Variants in DGKI observed in about 807,000 individuals in gnomAD.
DGKI encodes the protein DAG kinase iota.
A neutral mutation model predicts 147.5 loss-of-function variants in DGKI; 55 were observed. That is an observed-to-expected ratio of 0.37 (90% CI 0.30 to 0.47). The LOEUF is 0.47. Among genes scored for constraint, DGKI ranks in the 20% least tolerant of loss-of-function variants. The pLI, the probability that DGKI is intolerant of heterozygous loss-of-function variation, is 1.00. For missense variants in DGKI, 1,007 were observed against 1,323.8 expected (o/e 0.76, Z 3.71); for synonymous variants, 469 against 477.1 (o/e 0.98, Z 0.22).
chr7:137,395,531 A>C, intron 32 of DGKI, 67 bp downstream of exon 32: 3 of 1,475,712 alleles, frequency 2.0e-6, no homozygotes, highest in East Asian at 2.3e-5. Context: ...CTATGGTCAC[A>C]AGCAAAGGCA....
At position 137,390,982 on chromosome 7, in the gene DGKI, G is replaced by A; in HGVS notation, c.*238C>T. 4.0e-6 allele frequency: 2 copies of A among 502,838 alleles called. No homozygotes were observed. Among genetic ancestry groups the A allele is most frequent in the South Asian group, 4.7e-5 (2 of 42,384 alleles). 31.1% of individuals were successfully genotyped at this position (502,838 alleles called of 1,614,324 possible). The stretch of plus-strand genomic sequence containing the variant: ...CTGGAAGCAATAAGGATCAAATTTT[G>A]TGGAACTCGTACTGTATTCCACAAA... On this transcript the variant is annotated 3_prime_UTR_variant, in exon 33 of 33. Coordinates refer to ENST00000614521, the MANE Select transcript of DGKI (RefSeq NM_001321708.2).
chr7:137,801,237 T>G (rs1425603117), intron 1 of DGKI, among the ~76,000 whole-genome samples: 1 of 152,224 alleles, frequency 6.6e-6, no homozygotes, highest in Non-Finnish European at 1.5e-5. Context: ...TACCAGCTGA[T>G]GCTAAGAGGC....
At chr7:137,730,947 T>C (rs1794862577) in intron 1 of DGKI, among the ~76,000 whole-genome samples, 1 of 152,074 alleles carries the variant, frequency 6.6e-6, no homozygotes, top group Admixed American at 6.6e-5. Flanking sequence ...TCAGAGAAGC[T>C]TCCAAGGGCT....
chr7:137,808,639 A>T (rs1039825748), intron 1 of DGKI, among the ~76,000 whole-genome samples: 3 of 152,226 alleles, frequency 2.0e-5, no homozygotes, highest in African/African-American at 7.2e-5. Context: ...AATGTAGGTC[A>T]ATGCAACATG....
chr7:137,589,347 A>C (rs1819528048), intron 12 of DGKI, among the ~76,000 whole-genome samples: 1 of 152,226 alleles, frequency 6.6e-6, no homozygotes, highest in South Asian at 2.1e-4. Context: ...TCATCTTCTA[A>C]AAAGGCAGAC....
chr7:137,691,247 A>G (rs769112541), intron 1 of DGKI, among the ~76,000 whole-genome samples: 1 of 152,220 alleles, frequency 6.6e-6, no homozygotes, highest in Non-Finnish European at 1.5e-5. Context: ...TCCAAAGCCC[A>G]TCAAGGGGAG....
intron 29 of DGKI, 102 bp from the exon 30 acceptor site, chr7:137,408,097 T>G (rs1812025264): frequency 7.0e-7 from 1 of 1,425,896 alleles, no homozygotes; most frequent in Admixed American, 2.0e-5. Context: ...CCACAATGTT[T>G]CCAGCCTTAG....
At position 137,569,785 on chromosome 7, in the gene DGKI, G is replaced by A. The variant is rs950739580; in HGVS notation, c.1947+1390C>T. Among the ~76,000 whole-genome samples the A allele has an allele frequency of 2.4e-5, 3 of 127,618 alleles. No homozygotes were observed. In the East Asian group the frequency reaches 6.8e-4, roughly 29 times the overall value. The allele number at this position is 127,618 out of a possible 152,430, so 83.7% of individuals were successfully genotyped here. A position where few individuals can be genotyped will look rare whatever the true frequency, so the allele number is the denominator to read the frequency against. ...AAAAAAAAAAAAAGAATTCTTCCCT[G>A]CATATATCCTTCCTAAACTTAATCC... On this transcript the variant is annotated intron_variant, in intron 19 of 32. Coordinates refer to ENST00000614521, the MANE Select transcript of DGKI (RefSeq NM_001321708.2).
At chr7:137,844,994 G>C (rs572571150) in intron 1 of DGKI, among the ~76,000 whole-genome samples, 86 of 152,286 alleles carry the variant, frequency 5.6e-4, no homozygotes, top group African/African-American at 1.9e-3. Flanking sequence ...AACTGCCAGT[G>C]TCCTAGCATA....
At chr7:137,826,267 A>G (rs1045627878) in intron 1 of DGKI, among the ~76,000 whole-genome samples, 4 of 152,232 alleles carry the variant, frequency 2.6e-5, no homozygotes, top group Admixed American at 2.0e-4. Context: ...GCAGAGCGTG[A>G]GCCAGCTCTC....
chr7:137,569,524 C>A (rs774803098), intron 19 of DGKI, among the ~76,000 whole-genome samples: 2 of 151,492 alleles, frequency 1.3e-5, no homozygotes, highest in Admixed American at 6.6e-5. Flanking sequence ...GTCAGGAGAT[C>A]GAGACCATCC....
At chr7:137,711,684 CTTTTT>C (rs71177918) in intron 1 of DGKI, among the ~76,000 whole-genome samples, 21 of 79,734 alleles carry the variant, frequency 2.6e-4, no homozygotes, top group African/African-American at 1.0e-3. Flanking sequence ...GGGATACCAA[CTTTTT>C]TTTTTTTTTT....
At chr7:137,606,311 T>TA (rs1820183542) in intron 10 of DGKI, among the ~76,000 whole-genome samples, 1 of 151,574 alleles carries the variant, frequency 6.6e-6, no homozygotes, top group African/African-American at 2.4e-5. Context: ...TAAAAATTTT[T>TA]TAAAAAAAAA....
intron 28 of DGKI, among the ~76,000 whole-genome samples, chr7:137,428,510 C>G (rs1467426083): frequency 1.3e-5 from 2 of 152,042 alleles, no homozygotes; most frequent in Non-Finnish European, 2.9e-5. Context: ...GATGCCCTCT[C>G]TCACCACTCC....
At chr7:137,450,773 A>G (rs918703696) in intron 27 of DGKI, among the ~76,000 whole-genome samples, 2 of 151,156 alleles carry the variant, frequency 1.3e-5, no homozygotes, top group African/African-American at 4.8e-5. Context: ...TTAATTATAT[A>G]CATATCTTTA....
intron 28 of DGKI, among the ~76,000 whole-genome samples, chr7:137,442,482 A>T (rs892601216): frequency 6.6e-6 from 1 of 152,220 alleles, no homozygotes; most frequent in Non-Finnish European, 1.5e-5. Flanking sequence ...AGGGAATCCT[A>T]GTTCAAAATA....
chr7:137,763,075 G>A (rs1795908763), intron 1 of DGKI, among the ~76,000 whole-genome samples: 1 of 152,116 alleles, frequency 6.6e-6, no homozygotes, highest in Non-Finnish European at 1.5e-5. Context: ...TCAAATCAGG[G>A]GCCAAGGTAC....
At chr7:137,497,542 A>C (rs1300271230) in intron 21 of DGKI, among the ~76,000 whole-genome samples, 2 of 152,118 alleles carry the variant, frequency 1.3e-5, no homozygotes, top group African/African-American at 4.8e-5. Context: ...AATCAATCTA[A>C]ATGCCCATCA....
intron 1 of DGKI, among the ~76,000 whole-genome samples, chr7:137,720,790 T>A (rs1230513497): frequency 6.6e-6 from 1 of 152,188 alleles, no homozygotes. Context: ...GTCACTGCAT[T>A]ATCAAGTCTC....
Sources: gnomAD v4.1 joint callset for allele counts (sites outside exome capture counted in the v4.1 genomes callset) on GRCh38, gnomAD v4.1.1 for gene constraint, MANE v1.5 for transcripts, NCBI Gene and HGNC (gene_info 2026-07-23, HGNC 2026-07-21) for gene names.